Variants in ZBTB20 observed in about 807,000 individuals in gnomAD.
The protein encoded by ZBTB20 is zinc finger and BTB domain containing 20, also known as zinc finger and BTB domain-containing protein 20.
ZBTB20 carries 9 observed loss-of-function variants against 56.9 expected under a neutral mutation model. The ratio of observed to expected loss-of-function variants is 0.16; its 90% confidence interval spans 0.10 to 0.28. ZBTB20 has a LOEUF of 0.28. Ranked by LOEUF, ZBTB20 falls within the 10% of genes least tolerant of loss-of-function variation. The probability of loss-of-function intolerance (pLI) is 1.00; values close to 1 mark genes in which losing one functional copy is unlikely to be tolerated. For synonymous variants in ZBTB20, 417 were observed against 420.7 expected, an observed-to-expected ratio of 0.99 and a Z score of 0.11; for missense variants, 655 against 1,003.0, an observed-to-expected ratio of 0.65 and a Z score of 4.69.
chr3:114,440,971 T>C (rs138806850), intron 7 of ZBTB20, among the ~76,000 whole-genome samples: 2 of 152,348 alleles, frequency 1.3e-5, no homozygotes, highest in Admixed American at 1.3e-4. Context: ...TATTTGCATA[T>C]CAGTTACGGT....
chr3:115,055,187 A>ATCTCTCTCTCTC (rs58480744), intron 2 of ZBTB20, among the ~76,000 whole-genome samples: 14,068 of 102,894 alleles, frequency 0.14, 2,345 homozygotes, highest in Non-Finnish European at 0.17. Context: ...CCTCCTGGTA[A>ATCTCTCTCTCTC]TCTCTCTCTC....
intron 9 of ZBTB20, among the ~76,000 whole-genome samples, 169 bp from the exon 10 acceptor site, chr3:114,380,573 G>C (rs915753697): frequency 6.6e-6 from 1 of 151,678 alleles, no homozygotes; most frequent in Non-Finnish European, 1.5e-5. Flanking sequence ...TTTCCCTCCA[G>C]TAATGGCCTA....
chr3:114,932,195 G>A (rs1304462773), intron 3 of ZBTB20, among the ~76,000 whole-genome samples: 1 of 152,166 alleles, frequency 6.6e-6, no homozygotes, highest in Non-Finnish European at 1.5e-5. Context: ...TCAGATGTAG[G>A]GTTATGGATC....
chr3:115,063,380 C>T (rs1408670503), intron 2 of ZBTB20, among the ~76,000 whole-genome samples: 1 of 152,062 alleles, frequency 6.6e-6, no homozygotes, highest in Non-Finnish European at 1.5e-5. Context: ...ATGCCTTTGT[C>T]CTGGTTTGCA....
At chr3:114,370,226 T>C (rs953755386) in intron 10 of ZBTB20, among the ~76,000 whole-genome samples, 1 of 152,228 alleles carries the variant, frequency 6.6e-6, no homozygotes, top group Non-Finnish European at 1.5e-5. Context: ...TAGGAACTCT[T>C]GTATCATAAA....
At chr3:115,032,979 A>G (rs2080761518) in intron 2 of ZBTB20, among the ~76,000 whole-genome samples, 1 of 140,626 alleles carries the variant, frequency 7.1e-6, no homozygotes, top group South Asian at 2.2e-4. Context: ...AAAAAAAAAC[A>G]AACTAAACCC....
intron 7 of ZBTB20, among the ~76,000 whole-genome samples, chr3:114,410,854 T>C (rs1260117427): frequency 1.3e-5 from 2 of 151,996 alleles, no homozygotes; most frequent in Non-Finnish European, 2.9e-5. Context: ...AGCCGCCCAT[T>C]TTCTGGAGGA....
intron 1 of ZBTB20, among the ~76,000 whole-genome samples, chr3:115,094,318 A>G (rs983590676): frequency 1.3e-5 from 2 of 152,050 alleles, no homozygotes; most frequent in African/African-American, 2.4e-5. Flanking sequence ...GTATTTAAGA[A>G]GAAAAAAAAA....
chr3:114,406,580 A>T (rs1035714018), intron 7 of ZBTB20, among the ~76,000 whole-genome samples: 1 of 152,162 alleles, frequency 6.6e-6, no homozygotes, highest in Admixed American at 6.6e-5. Flanking sequence ...AGATGACAAC[A>T]TACATTATAT....
chr3:115,128,177 T>C (rs1310611712), intron 1 of ZBTB20, among the ~76,000 whole-genome samples: 1 of 152,188 alleles, frequency 6.6e-6, no homozygotes, highest in Non-Finnish European at 1.5e-5. Flanking sequence ...AGTGAAGAAA[T>C]ATATTTAAAA....
rs922240361 is a variant in ZBTB20, at chr3:114,322,087, C to T, written c.*16918G>A. The T allele has an allele frequency of 6.6e-6, 1 of 152,240 alleles. No homozygotes were observed. The highest frequency in any genetic ancestry group is 1.5e-5 in the Non-Finnish European group (1 of 68,072). 9.4% of individuals were successfully genotyped at this position (152,240 alleles called of 1,614,324 possible). A position where few individuals can be genotyped will look rare whatever the true frequency, so the allele number is the denominator to read the frequency against. On this transcript the variant is annotated 3_prime_UTR_variant, in exon 12 of 12. Coordinates refer to ENST00000675478, the MANE Select transcript of ZBTB20 (RefSeq NM_001348800.3). ...TTCATTGGCCAGTTGTCTGACTCTC[C>T]CACCGGTCACTGCTGTTGGCTCTGG... is the stretch of plus-strand genomic sequence containing the variant.
At chr3:114,663,413 G>C (rs1402610050) in intron 6 of ZBTB20, among the ~76,000 whole-genome samples, 1 of 147,118 alleles carries the variant, frequency 6.8e-6, no homozygotes, top group East Asian at 2.0e-4. Flanking sequence ...AGGAACAACC[G>C]GTACCAGCCG....
intron 10 of ZBTB20, among the ~76,000 whole-genome samples, chr3:114,361,707 T>A (rs907605088): frequency 2.0e-5 from 3 of 152,210 alleles, no homozygotes; most frequent in African/African-American, 7.2e-5. Flanking sequence ...GAGAATTGGA[T>A]AGCATTACTG....
chr3:115,143,362 C>T (rs924066037), intron 1 of ZBTB20, among the ~76,000 whole-genome samples: 3 of 152,156 alleles, frequency 2.0e-5, no homozygotes, highest in African/African-American at 7.2e-5. Flanking sequence ...TTTTCACCTT[C>T]TCTTGATAAA....
chr3:115,100,255 C>G (rs1442353350), intron 1 of ZBTB20: 1 of 151,854 alleles, frequency 6.6e-6, no homozygotes, highest in Admixed American at 6.6e-5. Flanking sequence ...GACTGCCTGC[C>G]TCCCTAATGA....
intron 6 of ZBTB20, among the ~76,000 whole-genome samples, chr3:114,616,411 G>A (rs1031402152): frequency 5.9e-5 from 9 of 152,146 alleles, no homozygotes; most frequent in Admixed American, 5.2e-4. Flanking sequence ...CCTTTGGTTG[G>A]TGATGATGGT....
chr3:114,514,947 G>A (rs554609351), intron 6 of ZBTB20, among the ~76,000 whole-genome samples: 2 of 152,270 alleles, frequency 1.3e-5, no homozygotes, highest in African/African-American at 4.8e-5. Context: ...ACATGCACAG[G>A]TATTTCTTCT....
chr3:114,441,090 A>G (rs1048436438), intron 7 of ZBTB20, among the ~76,000 whole-genome samples: 6 of 152,166 alleles, frequency 3.9e-5, no homozygotes, highest in African/African-American at 1.4e-4. Flanking sequence ...GTGTGACTAA[A>G]AAGATTTCTT....
intron 4 of ZBTB20, among the ~76,000 whole-genome samples, chr3:114,856,398 C>T (rs1362757602): frequency 6.6e-6 from 1 of 152,078 alleles, no homozygotes; most frequent in Non-Finnish European, 1.5e-5. Context: ...AAAGAAGCAG[C>T]TGATGCTAAC....
Sources: gnomAD v4.1 joint callset for allele counts (sites outside exome capture counted in the v4.1 genomes callset) on GRCh38, gnomAD v4.1.1 for gene constraint, MANE v1.5 for transcripts, NCBI Gene and HGNC (gene_info 2026-07-23, HGNC 2026-07-21) for gene names.